The following PCGF5 variants were observed in gnomAD, a reference collection of about 807,000 sequenced individuals.
The protein encoded by PCGF5 is polycomb group RING finger protein 5.
A neutral mutation model predicts 44.3 loss-of-function variants in PCGF5; 9 were observed. The observed-to-expected ratio is 0.20, with a 90% CI of 0.12 to 0.35. The LOEUF is 0.35. PCGF5 is among the 10% of genes least tolerant of loss of function. The pLI is 1.00. For synonymous variants in PCGF5, 95 were observed against 102.5 expected, an observed-to-expected ratio of 0.93 and a Z score of 0.44; for missense variants, 146 against 305.3, an observed-to-expected ratio of 0.48 and a Z score of 3.89.
rs763423268 is a variant in PCGF5 at position 91,248,559 on chromosome 10, A to G, written c.264A>G (p.Glu88=). Residue 88 remains glutamate, a splice_region_variant and synonymous_variant, in exon 4 of 10, where the codon GAA becomes GAG. Transcript: ENST00000336126. ...IIFKLVPGLR[E]QELERESEFW... ...TTAAGCTGGTCCCTGGACTACGAGA[A>G]CGTAAGTGGCTCTTTAGGTTCTTGC... 2 of 1,612,864 alleles carry G rather than the reference A, an allele frequency of 1.2e-6. No individual in the cohort carries two copies. Among genetic ancestry groups the G allele is most frequent in the South Asian group, 1.1e-5 (1 of 91,042 alleles).
At chr10:91,262,705 A>T (rs1297379495) in intron 7 of PCGF5, among the ~76,000 whole-genome samples, 1 of 152,182 alleles carries the variant, frequency 6.6e-6, no homozygotes, top group Non-Finnish European at 1.5e-5. Flanking sequence ...AATATTTTTT[A>T]AAATTCTAGA....
chr10:91,238,619 T>TTTTTTTTTTTTTTTTTG (rs1845240808), intron 2 of PCGF5, among the ~76,000 whole-genome samples: 1 of 137,536 alleles, frequency 7.3e-6, no homozygotes, highest in Non-Finnish European at 1.6e-5. Context: ...TTTTTTTTTT[T>TTTTTTTTTTTTTTTTTG]TTTTTTTTTT....
At chr10:91,177,523 A>G (rs1843731121) in intron 1 of PCGF5, among the ~76,000 whole-genome samples, 1 of 152,162 alleles carries the variant, frequency 6.6e-6, no homozygotes, top group Non-Finnish European at 1.5e-5. Context: ...ACAGAGGCAG[A>G]CAGGCCTCCT....
In PCGF5 at chr10:91,232,055, G is replaced by A. The variant is rs533895445; in HGVS notation, c.113-8429G>A. Among the ~76,000 whole-genome samples the A allele has an allele frequency of 3.3e-5, 5 of 152,304 alleles. No individual in the cohort carries two copies. In the East Asian group the frequency reaches 7.7e-4, roughly 24 times the overall value. Reference sequence around the variant, plus strand: ...GTTTGAAGGGAGGACCAAGGACTGAGCCCTGAGGTACCACTAAAAGGAGAA... The same window carrying A: ...GTTTGAAGGGAGGACCAAGGACTGAACCCTGAGGTACCACTAAAAGGAGAA... On this transcript the variant is annotated intron_variant, in intron 2 of 9. Transcript: ENST00000336126.
Position 91,240,585 on chromosome 10 carries a change from G to A in PCGF5, c.209+5G>A. The stretch of plus-strand genomic sequence containing the variant: ...AAATCCATTAGAAATGTTGAGGTAA[G>A]GATGTTATATTTTACAGTTCATCTA... On this transcript the variant is annotated splice_donor_5th_base_variant and intron_variant, in intron 3 of 9. Transcript: ENST00000336126. 6.3e-7 allele frequency: 1 copy of A among 1,584,498 alleles called. No homozygotes were observed. Among genetic ancestry groups the A allele is most frequent in the Admixed American group, 1.7e-5 (1 of 58,646 alleles).
chr10:91,170,094 C>T (rs935906526), intron 1 of PCGF5, among the ~76,000 whole-genome samples: 3 of 152,170 alleles, frequency 2.0e-5, no homozygotes, highest in Admixed American at 6.5e-5. Flanking sequence ...AAAAGTTAAT[C>T]TAGACACAGA....
At chr10:91,271,322 G>A (rs145165809) in intron 8 of PCGF5, among the ~76,000 whole-genome samples, 21 of 152,164 alleles carry the variant, frequency 1.4e-4, no homozygotes, top group African/African-American at 5.1e-4. Flanking sequence ...GATGTCCCTC[G>A]TGTATGCAAG....
chr10:91,172,904 C>G (rs983416697), intron 1 of PCGF5, among the ~76,000 whole-genome samples: 19 of 152,266 alleles, frequency 1.2e-4, no homozygotes, highest in African/African-American at 4.3e-4. Context: ...TTTTTGAACT[C>G]AGAACTTTGA....
intron 3 of PCGF5, among the ~76,000 whole-genome samples, chr10:91,246,999 A>C (rs1845482336): frequency 6.7e-6 from 1 of 149,712 alleles, no homozygotes; most frequent in African/African-American, 2.5e-5. Context: ...AGATAGATAG[A>C]TAGATAGATA....
chr10:91,236,853 C>T (rs942557956), intron 2 of PCGF5, among the ~76,000 whole-genome samples: 3 of 152,048 alleles, frequency 2.0e-5, no homozygotes, highest in Non-Finnish European at 2.9e-5. Flanking sequence ...GATGTATCTT[C>T]TAGAGATTTT....
chr10:91,237,715 G>A (rs1452970805), intron 2 of PCGF5, among the ~76,000 whole-genome samples: 2 of 151,774 alleles, frequency 1.3e-5, no homozygotes, highest in East Asian at 1.9e-4. Context: ...CTGCACTCTA[G>A]CCTAGGCGAC....
rs1033906571 is a variant in PCGF5 at position 91,282,413 on chromosome 10, G to T, written c.*4097G>T. Reference sequence around the variant, plus strand: ...GCAGGAGAATCTCTTGAACCCAGGAGGTGGAGGTTGCAGTGAGCCGCAATT... The same window carrying T: ...GCAGGAGAATCTCTTGAACCCAGGATGTGGAGGTTGCAGTGAGCCGCAATT... On this transcript the variant is annotated 3_prime_UTR_variant, in exon 10 of 10. Transcript: ENST00000336126. The T allele has an allele frequency of 6.6e-6, 1 of 152,618 alleles. No homozygotes were observed. Among genetic ancestry groups the T allele is most frequent in the Non-Finnish European group, 1.5e-5 (1 of 68,082 alleles). The allele number at this position is 152,618 out of a possible 1,614,324, so 9.5% of individuals were successfully genotyped here.
rs1843483858 is a variant in PCGF5, at chr10:91,165,519, G to T, written c.-184+2438G>T. Among the ~76,000 whole-genome samples, 3 of 152,110 alleles carry T rather than the reference G, an allele frequency of 2.0e-5. No homozygotes were observed. In the South Asian group the frequency reaches 6.2e-4, roughly 32 times the overall value. ...TATGAAGGTTTTTTGTTTGAGGCAGGGTCTCTCTCACTCTGTTGCCCAAGC... is the reference window on the plus strand; with the variant it reads ...TATGAAGGTTTTTTGTTTGAGGCAGTGTCTCTCTCACTCTGTTGCCCAAGC... On this transcript the variant is annotated intron_variant, in intron 1 of 9. Transcript: ENST00000614189.
At chr10:91,178,648 C>G (rs540780916) in intron 1 of PCGF5, among the ~76,000 whole-genome samples, 1 of 152,194 alleles carries the variant, frequency 6.6e-6, no homozygotes, top group South Asian at 2.1e-4. Flanking sequence ...CTCGGCCTCC[C>G]AAAGTGCTGG....
At chr10:91,239,909 A>G (rs1442880041) in intron 2 of PCGF5, among the ~76,000 whole-genome samples, 2 of 152,124 alleles carry the variant, frequency 1.3e-5, no homozygotes, top group Non-Finnish European at 2.9e-5. Flanking sequence ...CTTTGTCCCA[A>G]CTTGATACCA....
At chr10:91,253,733 A>C (rs763275049) in intron 6 of PCGF5, among the ~76,000 whole-genome samples, 18 of 151,646 alleles carry the variant, frequency 1.2e-4, no homozygotes, top group Middle Eastern at 6.8e-3. Flanking sequence ...TGTACCCTTA[A>C]TTTTTCTTTT....
intron 7 of PCGF5, among the ~76,000 whole-genome samples, chr10:91,264,022 T>C (rs994539763): frequency 6.6e-6 from 1 of 152,178 alleles, no homozygotes; most frequent in African/African-American, 2.4e-5. Context: ...GAAAGAATTC[T>C]GAGAGAGGAA....
chr10:91,275,904 G>A (rs188686920), intron 9 of PCGF5, among the ~76,000 whole-genome samples: 122 of 152,026 alleles, frequency 8.0e-4, no homozygotes, highest in Non-Finnish European at 1.1e-3. Context: ...TAATAGCAAA[G>A]GAAAAAAGGA....
At chr10:91,194,694 A>G (rs968134914) in intron 1 of PCGF5, among the ~76,000 whole-genome samples, 5 of 152,226 alleles carry the variant, frequency 3.3e-5, no homozygotes, top group African/African-American at 9.6e-5. Flanking sequence ...ATTCAAAAGC[A>G]TAGAGATGGT....
Sources: gnomAD v4.1 joint callset for allele counts (sites outside exome capture counted in the v4.1 genomes callset) on GRCh38, gnomAD v4.1.1 for gene constraint, MANE v1.5 for transcripts, NCBI Gene and HGNC (gene_info 2026-07-23, HGNC 2026-07-21) for gene names.